The following DPYSL4 variants were observed in gnomAD, a reference collection of about 807,000 sequenced individuals.
DPYSL4 encodes dihydropyrimidinase like 4.
Under a neutral mutation model 63.4 loss-of-function variants are expected in DPYSL4, and 43 were observed. That is an observed-to-expected ratio of 0.68 (90% confidence interval 0.53 to 0.88). DPYSL4 has a LOEUF of 0.88. Ranked by LOEUF, DPYSL4 falls within the 40% of genes least tolerant of loss-of-function variation. The pLI is 0.00. For missense variants in DPYSL4, 733 were observed against 819.5 expected (o/e 0.89, Z 1.29); for synonymous variants, 353 against 331.7 (o/e 1.06, Z -0.70).
Position 132,201,022 on chromosome 10 carries a change from C to T in DPYSL4, c.1110+39C>T, listed in dbSNP as rs752578482. The T allele has an allele frequency of 1.0e-5, 16 of 1,602,046 alleles. No homozygotes were observed. The South Asian group carries it at 1.3e-4, about 13-fold the overall frequency. ...TGGCCGGGGCACGCCGTCTGGGGAGCGGCTGTGGGCGGGATTGTGATGGCT... is the reference window on the plus strand; with the variant it reads ...TGGCCGGGGCACGCCGTCTGGGGAGTGGCTGTGGGCGGGATTGTGATGGCT... On this transcript the variant is annotated intron_variant, in intron 10 of 13. Coordinates refer to ENST00000338492, the MANE Select transcript of DPYSL4 (RefSeq NM_006426.3).
intron 13 of DPYSL4, among the ~76,000 whole-genome samples, 175 bp from the exon 14 acceptor site, chr10:132,204,664 G>C (rs927340187): frequency 2.0e-5 from 3 of 152,204 alleles, no homozygotes; most frequent in Non-Finnish European, 4.4e-5. Context: ...CCGGGCCTCA[G>C]GGATGGGAGT....
chr10:132,200,219 A>G, intron 8 of DPYSL4, 137 bp from the exon 9 acceptor site: 7 of 1,127,796 alleles, frequency 6.2e-6, no homozygotes, highest in Non-Finnish European at 7.6e-6. Context: ...GCCCAGGGCC[A>G]GGGACTCTAG....
intron 6 of DPYSL4, among the ~76,000 whole-genome samples, chr10:132,197,675 C>G (rs983969039): frequency 6.6e-6 from 1 of 152,228 alleles, no homozygotes; most frequent in South Asian, 2.1e-4. Flanking sequence ...GGTCACCACA[C>G]AGGACACACC....
chr10:132,193,365 G>A (rs1422009378), intron 3 of DPYSL4, among the ~76,000 whole-genome samples: 1 of 152,234 alleles, frequency 6.6e-6, no homozygotes, highest in Admixed American at 6.5e-5. Flanking sequence ...TGCTGGCTGC[G>A]TGCCCGGCAC....
chr10:132,192,958 G>A, intron 3 of DPYSL4, 116 bp downstream of exon 3: 1 of 1,042,718 alleles, frequency 9.6e-7, no homozygotes, highest in Non-Finnish European at 1.3e-6. Flanking sequence ...TCAGCTGTCT[G>A]CCTTTATTGC....
At chr10:132,204,659 C>T (rs1227091153) in intron 13 of DPYSL4, among the ~76,000 whole-genome samples, 180 bp from the exon 14 acceptor site, 1 of 152,206 alleles carries the variant, frequency 6.6e-6, no homozygotes, top group Non-Finnish European at 1.5e-5. Context: ...GCACCCCGGG[C>T]CTCAGGGATG....
rs1467360983 is a variant in DPYSL4, at chr10:132,202,881, A to G, written c.1461+56A>G. The G allele has an allele frequency of 1.9e-5, 30 of 1,543,888 alleles. 1 individual carries two copies. In the South Asian group the frequency reaches 3.4e-4, roughly 17 times the overall value. On this transcript the variant is annotated intron_variant, in intron 12 of 13. Transcript: ENST00000338492. ...GGTAGGCAGGTGGGCGCTGAGTTCT[A>G]GGCCCAGAACGCACCCCTGGTCAAC...
chr10:132,198,115 G>C (rs2061968174), intron 6 of DPYSL4, among the ~76,000 whole-genome samples: 1 of 152,208 alleles, frequency 6.6e-6, no homozygotes, highest in Non-Finnish European at 1.5e-5. Context: ...GGGGGAGGCA[G>C]CGTGATGGGC....
intron 6 of DPYSL4, among the ~76,000 whole-genome samples, chr10:132,197,388 A>G (rs1322127470): frequency 1.3e-5 from 2 of 152,222 alleles, no homozygotes; most frequent in South Asian, 2.1e-4. Flanking sequence ...AGCCCCAGGG[A>G]TCGAGGCCCC....
chr10:132,203,275 C>T (rs914540769), intron 12 of DPYSL4, among the ~76,000 whole-genome samples: 1 of 76,292 alleles, frequency 1.3e-5, no homozygotes, highest in African/African-American at 5.1e-5. Flanking sequence ...AGCTCAGCCA[C>T]GGGAGCCCCC....
chr10:132,198,283 T>C, intron 6 of DPYSL4, 132 bp from the exon 7 acceptor site: 1 of 770,788 alleles, frequency 1.3e-6, no homozygotes, highest in Non-Finnish European at 2.1e-6. Flanking sequence ...GAGTGTTCTG[T>C]GGCTGGGAAA....
In DPYSL4 at chr10:132,202,769, G is replaced by A. The variant is rs772266819; in HGVS notation, c.1405G>A (p.Val469Ile). The A allele has an allele frequency of 8.1e-6, 13 of 1,612,204 alleles. No homozygotes were observed. Among genetic ancestry groups the A allele is most frequent in the African/African-American group, 1.3e-5 (1 of 74,934 alleles). ...MFVTPGAGRF[V>I]PRKTFPDFVY... ...TGTCACCCCGGGGGCGGGCCGCTTC[G>A]TCCCTCGGAAAACATTCCCGGACTT... Residue 469 changes from valine (V) to isoleucine (I), a missense_variant, in exon 12 of 14, where the codon GTC becomes ATC. Transcript: ENST00000338492.
chr10:132,196,739 G>A, intron 4 of DPYSL4, 122 bp from the exon 5 acceptor site: 3 of 1,113,454 alleles, frequency 2.7e-6, no homozygotes, highest in Middle Eastern at 2.3e-4. Context: ...GCAAGCCAGT[G>A]AGGGAAGCAC....
At position 132,194,892 on chromosome 10, in the gene DPYSL4, G is replaced by C; in HGVS notation, c.361G>C (p.Glu121Gln). The C allele has an allele frequency of 3.1e-6, 5 of 1,612,860 alleles. No individual in the cohort carries two copies. Among genetic ancestry groups the C allele is most frequent in the Non-Finnish European group, 3.4e-6 (4 of 1,179,946 alleles). ...DTGVSLLAAY[E>Q]QWRERADSAA... Reference sequence around the variant, plus strand: ...GGGTGTGAGCCTGCTGGCGGCCTACGAGCAGTGGCGGGAGCGGGCGGACAG... The same window carrying C: ...GGGTGTGAGCCTGCTGGCGGCCTACCAGCAGTGGCGGGAGCGGGCGGACAG... Residue 121 changes from glutamate (E) to glutamine (Q), a missense_variant, in exon 4 of 14, where the codon GAG (glutamate) becomes CAG (glutamine). Coordinates refer to ENST00000338492, the MANE Select transcript of DPYSL4 (RefSeq NM_006426.3).
At chr10:132,188,170 C>G (rs1215285829) in intron 1 of DPYSL4, among the ~76,000 whole-genome samples, 1 of 152,068 alleles carries the variant, frequency 6.6e-6, no homozygotes, top group Non-Finnish European at 1.5e-5. Context: ...GCAGGAGGAC[C>G]CCTTCCCAGG....
chr10:132,196,262 G>A lies in DPYSL4; in HGVS notation c.479-599G>A, dbSNP rs561204065. ...TGGGGGAGGTGGATGGGCTGTGGCTGCCCAGGAAACAGGAGAGCTCAGCCC... is the reference window on the plus strand; with the variant it reads ...TGGGGGAGGTGGATGGGCTGTGGCTACCCAGGAAACAGGAGAGCTCAGCCC... On this transcript the variant is annotated intron_variant, in intron 4 of 13. Transcript: ENST00000338492. Among the ~76,000 whole-genome samples the A allele has an allele frequency of 5.3e-5, 8 of 152,334 alleles. No homozygotes were observed. The South Asian group carries it at 1.7e-3, about 32-fold the overall frequency.
chr10:132,198,991 T>TA lies in DPYSL4; in HGVS notation c.811+20_811+21insA. ...GCAGAGGTGAGCACCCAGCCCCGCC[T>TA]CTGATGCCGAGGGGCCATGGTCTCG... On this transcript the variant is annotated intron_variant, in intron 8 of 13. Coordinates refer to ENST00000338492, the MANE Select transcript of DPYSL4 (RefSeq NM_006426.3). The TA allele has an allele frequency of 6.2e-7, 1 of 1,601,314 alleles. No homozygotes were observed. The highest frequency in any genetic ancestry group is 8.5e-7 in the Non-Finnish European group (1 of 1,172,340).
chr10:132,196,500 G>A (rs1156878972), intron 4 of DPYSL4, among the ~76,000 whole-genome samples: 1 of 152,222 alleles, frequency 6.6e-6, no homozygotes, highest in Non-Finnish European at 1.5e-5. Context: ...ACTTCCAGGA[G>A]GGAGCCAGTG....
In DPYSL4 at chr10:132,196,865, G is replaced by T. The variant is rs1246758616; in HGVS notation, c.483G>T (p.Val161=). The change falls in exon 5 of 14, where the codon GTG becomes GTT. Residue 161 remains valine, a synonymous_variant. Transcript: ENST00000338492. ...ELEALVKEKG[V]NSFLVFMAYK... ...TGACCCCTGCCTCTTCTCCAGGTGTGAACTCCTTCCTGGTCTTCATGGCAT... is the reference window on the plus strand; with the variant it reads ...TGACCCCTGCCTCTTCTCCAGGTGTTAACTCCTTCCTGGTCTTCATGGCAT... 3 of 1,613,612 alleles carry T rather than the reference G, an allele frequency of 1.9e-6. No homozygotes were observed. Among genetic ancestry groups the T allele is most frequent in the African/African-American group, 2.7e-5 (2 of 74,948 alleles).
Sources: gnomAD v4.1 joint callset for allele counts (sites outside exome capture counted in the v4.1 genomes callset) on GRCh38, gnomAD v4.1.1 for gene constraint, MANE v1.5 for transcripts, NCBI Gene and HGNC (gene_info 2026-07-23, HGNC 2026-07-21) for gene names.